Variants in PXDN observed in about 807,000 individuals in gnomAD.
PXDN encodes the protein peroxidasin, also known as peroxidasin homolog.
Under a neutral mutation model 140.3 loss-of-function variants are expected in PXDN, and 77 were observed. That is an observed-to-expected ratio of 0.55 (90% CI 0.46 to 0.66). PXDN has a LOEUF of 0.66. PXDN is among the 30% of genes least tolerant of loss of function. The pLI is 0.00. For missense variants in PXDN, 1,838 were observed against 2,039.5 expected (o/e 0.90, Z 1.90); for synonymous variants, 911 against 857.4 (o/e 1.06, Z -1.09).
intron 5 of PXDN, 103 bp from the exon 6 acceptor site, chr2:1,683,830 TCA>T (rs1683980261): frequency 1.5e-5 from 15 of 980,278 alleles, no homozygotes; most frequent in Non-Finnish European, 2.0e-5. Flanking sequence ...TAAAAAAATC[TCA>T]GTGATTACAT....
intron 1 of PXDN, among the ~76,000 whole-genome samples, chr2:1,696,402 C>T (rs997550465): frequency 2.0e-5 from 3 of 152,098 alleles, no homozygotes; most frequent in South Asian, 2.1e-4. Flanking sequence ...GTAAAACAAA[C>T]GGTCCCCTTT....
chr2:1,642,664 T>C (rs115354055), intron 19 of PXDN, among the ~76,000 whole-genome samples: 1,805 of 152,322 alleles, frequency 0.012, 34 homozygotes, highest in African/African-American at 0.042. Context: ...GCCAAAATTA[T>C]GTTCAAATTA....
chr2:1,653,937 G>T, intron 15 of PXDN, 152 bp from the exon 16 acceptor site: 1 of 914,258 alleles, frequency 1.1e-6, no homozygotes. Context: ...GAAGTGGGAG[G>T]CAACAAAACA....
Position 1,679,840 on chromosome 2 carries a change from T to C in PXDN, c.730+353A>G, listed in dbSNP as rs1406020279. ...GTAAATGGTGTGTGTGTGGATGGTGTGTGTGTGTATGTGCGTGTGTGTGGT... is the reference window on the plus strand; with the variant it reads ...GTAAATGGTGTGTGTGTGGATGGTGCGTGTGTGTATGTGCGTGTGTGTGGT... On this transcript the variant is annotated intron_variant, in intron 7 of 22. Coordinates refer to ENST00000252804, the MANE Select transcript of PXDN (RefSeq NM_012293.3). Among the ~76,000 whole-genome samples, 55 of 145,596 alleles carry C rather than the reference T, an allele frequency of 3.8e-4. 1 individual carries two copies. Among genetic ancestry groups the C allele is most frequent in the Admixed American group, 3.5e-3 (51 of 14,610 alleles).
chr2:1,653,454 C>A, intron 16 of PXDN, 174 bp downstream of exon 16: 3 of 996,018 alleles, frequency 3.0e-6, no homozygotes, highest in South Asian at 2.8e-5. Context: ...AAAGTGAGAG[C>A]GACAGGGCTG....
chr2:1,718,865 C>A (rs567079433), intron 1 of PXDN, among the ~76,000 whole-genome samples: 1 of 152,228 alleles, frequency 6.6e-6, no homozygotes, highest in Non-Finnish European at 1.5e-5. Context: ...CAAGGCAGAG[C>A]GGGCAGCTCC....
At chr2:1,645,305 G>A (rs948726988) in intron 17 of PXDN, among the ~76,000 whole-genome samples, 18 of 152,062 alleles carry the variant, frequency 1.2e-4, no homozygotes, top group East Asian at 1.9e-4. Context: ...CATTTTCATC[G>A]ACTTCTTCCA....
At chr2:1,701,782 G>A (rs1684439642) in intron 1 of PXDN, among the ~76,000 whole-genome samples, 1 of 152,200 alleles carries the variant, frequency 6.6e-6, no homozygotes, top group South Asian at 2.1e-4. Flanking sequence ...GCCTCTGGGA[G>A]GTGAGGAGGC....
rs1682484207 is a variant in PXDN, at chr2:1,634,120, G to A, written c.*84C>T. The A allele has an allele frequency of 1.3e-6, 2 of 1,519,318 alleles. No homozygotes were observed. Among genetic ancestry groups the A allele is most frequent in the Non-Finnish European group, 1.8e-6 (2 of 1,124,474 alleles). The allele number at this position is 1,519,318 out of a possible 1,614,324, so 94.1% of individuals were successfully genotyped here. ...ATGTCACGAGTTCTGGGTGTTTCCT[G>A]GTCTGCAGTCCGCAGCTCCCTGCCA... On this transcript the variant is annotated 3_prime_UTR_variant, in exon 23 of 23. Transcript: ENST00000252804.
intron 11 of PXDN, chr2:1,664,010 AG>A (rs1683371736): frequency 2.0e-6 from 1 of 499,908 alleles, no homozygotes; most frequent in Non-Finnish European, 3.6e-6. Flanking sequence ...AGCACTACAC[AG>A]GGGGCCAGGA....
chr2:1,744,560 G>C (rs1239689212), upstream of PXDN: 6 of 990,042 alleles, frequency 6.1e-6, no homozygotes, highest in Non-Finnish European at 7.7e-6. Flanking sequence ...GCGGGGGGCG[G>C]GGGGCGCCAG....
intron 19 of PXDN, among the ~76,000 whole-genome samples, chr2:1,640,586 C>T (rs1384668916): frequency 1.3e-5 from 2 of 152,228 alleles, no homozygotes; most frequent in Non-Finnish European, 2.9e-5. Context: ...TATACAGCTT[C>T]TGAGTAAACC....
chr2:1,635,940 G>T, intron 21 of PXDN: 1 of 330,556 alleles, frequency 3.0e-6, no homozygotes, highest in Non-Finnish European at 5.8e-6. Flanking sequence ...CCCATAACAA[G>T]GTGACCTTTC....
At chr2:1,683,470 A>ATTCTTTC (rs1683965485) in intron 6 of PXDN, among the ~76,000 whole-genome samples, 186 bp downstream of exon 6, 1 of 137,322 alleles carries the variant, frequency 7.3e-6, no homozygotes. Context: ...TACTTGCCAC[A>ATTCTTTC]TTGTCTGAGC....
chr2:1,668,314 A>C (rs1445239128), intron 9 of PXDN, among the ~76,000 whole-genome samples: 1 of 152,246 alleles, frequency 6.6e-6, no homozygotes, highest in Non-Finnish European at 1.5e-5. Flanking sequence ...AGATGGATTA[A>C]AGACTTAAAC....
At chr2:1,742,682 C>G (rs1685572421) in intron 1 of PXDN, among the ~76,000 whole-genome samples, 1 of 152,228 alleles carries the variant, frequency 6.6e-6, no homozygotes, top group East Asian at 1.9e-4. Context: ...CCCAGGGAAA[C>G]CTCACCCGGC....
At chr2:1,686,249 T>C (rs1332661578) in intron 4 of PXDN, among the ~76,000 whole-genome samples, 1 of 152,180 alleles carries the variant, frequency 6.6e-6, no homozygotes, top group Non-Finnish European at 1.5e-5. Flanking sequence ...TCAGGCTCAC[T>C]GTACAGCGTT....
intron 22 of PXDN, among the ~76,000 whole-genome samples, chr2:1,634,881 A>G (rs1425050682): frequency 6.6e-6 from 1 of 152,152 alleles, no homozygotes; most frequent in Non-Finnish European, 1.5e-5. Context: ...CTTTCCACGG[A>G]GCCTGGTTCC....
intron 1 of PXDN, among the ~76,000 whole-genome samples, chr2:1,722,792 C>T (rs1685084579): frequency 6.6e-6 from 1 of 152,228 alleles, no homozygotes; most frequent in Non-Finnish European, 1.5e-5. Flanking sequence ...GCTGTGGCTC[C>T]AGGGGCACAG....
Sources: allele counts gnomAD v4.1 joint callset (sites outside exome capture counted in the v4.1 genomes callset), GRCh38; gene constraint gnomAD v4.1.1; transcripts MANE v1.5; gene names NCBI Gene and HGNC (gene_info 2026-07-23, HGNC 2026-07-21).